The following IGSF21 variants were observed in gnomAD, a reference collection of about 807,000 sequenced individuals.
IGSF21 encodes immunoglobulin superfamily member 21.
Under a neutral mutation model 46.8 loss-of-function variants are expected in IGSF21, and 28 were observed. The observed-to-expected ratio is 0.60, with a 90% CI of 0.44 to 0.82. The LOEUF (loss-of-function observed/expected upper bound fraction) is 0.82, where lower values mean the gene tolerates loss of function less well. IGSF21 is among the 40% of genes least tolerant of loss of function. The pLI is 0.00. For synonymous variants in IGSF21, 284 were observed against 273.6 expected (o/e 1.04, Z -0.38); for missense variants, 624 against 665.5 (o/e 0.94, Z 0.69).
chr1:18,223,515 T>C (rs576903515), intron 1 of IGSF21, among the ~76,000 whole-genome samples: 1 of 152,362 alleles, frequency 6.6e-6, no homozygotes, highest in East Asian at 1.9e-4. Context: ...AGGTGCTCCA[T>C]AGCTCTGAAC....
rs573424473 is a variant in IGSF21 at position 18,287,393 on chromosome 1, TCAAACAAA to T, written c.184-4456_184-4449del. On this transcript the variant is annotated intron_variant, in intron 2 of 9. Transcript: ENST00000251296. ...GTTGGTGACAGAGCGAGACTCTGTC[TCAAACAAA>T]CAAACAAACAAACAAAACAAAAAAA... 2.1e-3 allele frequency among the ~76,000 whole-genome samples: 322 copies of T among 151,700 alleles called. 3 individuals carry two copies. The highest frequency in any genetic ancestry group is 7.5e-3 in the African/African-American group (310 of 41,396).
chr1:18,342,008 G>A (rs1218308709), intron 4 of IGSF21, among the ~76,000 whole-genome samples: 1 of 150,718 alleles, frequency 6.6e-6, no homozygotes. Context: ...TCTTTTTTCA[G>A]TATGTTCTAC....
chr1:18,283,945 G>A (rs894608788), intron 2 of IGSF21, among the ~76,000 whole-genome samples: 1 of 152,178 alleles, frequency 6.6e-6, no homozygotes, highest in African/African-American at 2.4e-5. Context: ...ACCAGACTCC[G>A]TTCTATAATC....
intron 3 of IGSF21, among the ~76,000 whole-genome samples, chr1:18,312,604 T>C (rs2085500354): frequency 6.6e-6 from 1 of 152,196 alleles, no homozygotes; most frequent in Non-Finnish European, 1.5e-5. Flanking sequence ...GTGGCCTCTT[T>C]CAGCAATGGC....
intron 4 of IGSF21, among the ~76,000 whole-genome samples, chr1:18,353,074 T>A (rs1329392567): frequency 1.3e-5 from 2 of 151,920 alleles, no homozygotes; most frequent in Non-Finnish European, 2.9e-5. Context: ...TTGCAGCCCA[T>A]ATAAGCACAG....
intron 6 of IGSF21, among the ~76,000 whole-genome samples, chr1:18,366,593 G>T (rs979464118): frequency 6.6e-6 from 1 of 152,166 alleles, no homozygotes; most frequent in African/African-American, 2.4e-5. Context: ...GATCGGGTTC[G>T]AGAATTCTGA....
chr1:18,371,691 G>A (rs1267274690), intron 6 of IGSF21, among the ~76,000 whole-genome samples: 2 of 152,160 alleles, frequency 1.3e-5, no homozygotes, highest in African/African-American at 2.4e-5. Flanking sequence ...TGGGAACAGT[G>A]TTGGCCTATG....
At chr1:18,240,827 T>C (rs2084720243) in intron 2 of IGSF21, among the ~76,000 whole-genome samples, 1 of 152,206 alleles carries the variant, frequency 6.6e-6, no homozygotes, top group Non-Finnish European at 1.5e-5. Flanking sequence ...CTGGGCCCAG[T>C]GCACCCAGAG....
At chr1:18,377,540 C>T in intron 9 of IGSF21, 109 bp downstream of exon 9, 2 of 886,562 alleles carry the variant, frequency 2.3e-6, no homozygotes, top group East Asian at 2.4e-5. Context: ...CACTCCCTGA[C>T]ACCTCAGGCA....
At chr1:18,300,667 T>A (rs1293893260) in intron 3 of IGSF21, among the ~76,000 whole-genome samples, 2 of 152,224 alleles carry the variant, frequency 1.3e-5, no homozygotes, top group South Asian at 4.1e-4. Context: ...AAGTGAGGCC[T>A]TGCCTGCAGG....
In IGSF21 at chr1:18,326,159, C is replaced by T. The variant is rs573217715; in HGVS notation, c.306-8733C>T. Among the ~76,000 whole-genome samples the T allele has an allele frequency of 2.2e-4, 34 of 152,332 alleles. 2 individuals carry two copies. In the South Asian group the frequency reaches 6.2e-3, roughly 28 times the overall value. ...CGCCAGTTTTATTAGCTCTGCCTCA[C>T]GGCTCTGTCCAGGTGGAGCAGGCAT... On this transcript the variant is annotated intron_variant, in intron 3 of 9. Coordinates refer to ENST00000251296, the MANE Select transcript of IGSF21 (RefSeq NM_032880.5).
chr1:18,117,215 CG>C (rs2086196287), intron 1 of IGSF21, among the ~76,000 whole-genome samples: 1 of 152,216 alleles, frequency 6.6e-6, no homozygotes, highest in East Asian at 1.9e-4. Context: ...GAAATGCCAT[CG>C]TTTGGAGATG....
rs2085255377 is a variant in IGSF21, at chr1:18,290,490, A to C, written c.184-1376A>C. 6.6e-6 allele frequency among the ~76,000 whole-genome samples: 1 copy of C among 152,182 alleles called. No homozygotes were observed. Among genetic ancestry groups the C allele is most frequent in the Non-Finnish European group, 1.5e-5 (1 of 68,032 alleles). On this transcript the variant is annotated intron_variant, in intron 2 of 9. Coordinates refer to ENST00000251296, the MANE Select transcript of IGSF21 (RefSeq NM_032880.5). The surrounding 1 kb of genome is among the most constrained non-coding windows in gnomAD (Gnocchi z 4.2). Reference sequence around the variant, plus strand: ...GATTCTAACCATCCCCCGTCCTCACAGAGGCCACCTTACTCTTTACAAAGC... The same window carrying C: ...GATTCTAACCATCCCCCGTCCTCACCGAGGCCACCTTACTCTTTACAAAGC...
chr1:18,225,266 C>T (rs955193119), intron 1 of IGSF21, among the ~76,000 whole-genome samples: 5 of 152,008 alleles, frequency 3.3e-5, no homozygotes, highest in Admixed American at 2.6e-4. Context: ...AGACTGAGTG[C>T]GTATGCAGTG....
chr1:18,139,415 G>A (rs1053321372), intron 1 of IGSF21, among the ~76,000 whole-genome samples: 6 of 152,278 alleles, frequency 3.9e-5, no homozygotes, highest in South Asian at 2.1e-4. Flanking sequence ...CTGGAAGATC[G>A]TGCAGGCTCC....
intron 1 of IGSF21, among the ~76,000 whole-genome samples, chr1:18,156,892 A>AG (rs2086574297): frequency 6.6e-6 from 1 of 152,176 alleles, no homozygotes; most frequent in Admixed American, 6.5e-5. Flanking sequence ...TGAGGGGCGG[A>AG]GGTAGGTGGA....
At chr1:18,350,921 G>A (rs559094043) in intron 4 of IGSF21, among the ~76,000 whole-genome samples, 15 of 152,250 alleles carry the variant, frequency 9.9e-5, no homozygotes, top group African/African-American at 3.4e-4. Context: ...GAGATCGGCA[G>A]GCGTGGCCCA....
At chr1:18,148,421 C>G (rs1029980940) in intron 1 of IGSF21, among the ~76,000 whole-genome samples, 1 of 152,224 alleles carries the variant, frequency 6.6e-6, no homozygotes, top group African/African-American at 2.4e-5. Flanking sequence ...CGTGAGCCAC[C>G]ATGCCCGGCC....
At chr1:18,364,095 GC>G (rs1230270236) in intron 5 of IGSF21, among the ~76,000 whole-genome samples, 1 of 152,000 alleles carries the variant, frequency 6.6e-6, no homozygotes. Context: ...CTCCTACCCA[GC>G]CTGTCTGCCT....
Sources: allele counts gnomAD v4.1 joint callset (sites outside exome capture counted in the v4.1 genomes callset), GRCh38; gene constraint gnomAD v4.1.1; non-coding constraint Gnocchi (gnomAD v3.1); transcripts MANE v1.5; gene names NCBI Gene and HGNC (gene_info 2026-07-23, HGNC 2026-07-21).